Variants in MEGF11 observed in about 807,000 individuals in gnomAD.
The protein encoded by MEGF11 is multiple epidermal growth factor-like domains protein 11.
Under a neutral mutation model 146.6 loss-of-function variants are expected in MEGF11, and 126 were observed. That is an observed-to-expected ratio of 0.86 (90% CI 0.74 to 1.00). MEGF11 has a LOEUF of 1.00. MEGF11 is among the 50% of genes least tolerant of loss of function. The probability of loss-of-function intolerance (pLI) is 0.00; values close to 1 mark genes in which losing one functional copy is unlikely to be tolerated. For synonymous variants in MEGF11, 532 were observed against 583.4 expected (o/e 0.91, Z 1.27); for missense variants, 1,509 against 1,521.2 (o/e 0.99, Z 0.13).
Position 66,047,800 on chromosome 15 carries a change from GT to G in MEGF11, c.394+46601del, listed in dbSNP as rs535318944. ...GCCAGGCTGCCTGCTCTACAGGGAC[GT>G]CCCCCAGGACTGGGGCTGAGAGATG... On this transcript the variant is annotated intron_variant, in intron 5 of 25. Coordinates refer to ENST00000395614, the MANE Select transcript of MEGF11 (RefSeq NM_001385028.1). 2.6e-3 allele frequency among the ~76,000 whole-genome samples: 391 copies of G among 152,226 alleles called. 2 individuals carry two copies. The highest frequency in any genetic ancestry group is 0.017 in the Middle Eastern group (5 of 294).
At chr15:66,231,045 G>A (rs190853873) in intron 1 of MEGF11, among the ~76,000 whole-genome samples, 3 of 152,082 alleles carry the variant, frequency 2.0e-5, no homozygotes, top group African/African-American at 7.3e-5. Flanking sequence ...AGAGAATAAG[G>A]TCCCATGGTT....
At chr15:66,212,322 T>C (rs62009949) in intron 1 of MEGF11, among the ~76,000 whole-genome samples, 83,510 of 151,968 alleles carry the variant, frequency 0.55, 23,223 homozygotes, top group East Asian at 0.69. Context: ...CACACAGAGG[T>C]GGGACTTGGC....
intron 5 of MEGF11, among the ~76,000 whole-genome samples, chr15:66,066,225 C>G (rs2085119298): frequency 6.6e-6 from 1 of 152,076 alleles, no homozygotes. Context: ...AGGGCAGCAG[C>G]AGGGTAGGCA....
At chr15:66,096,179 A>G (rs1382830077) in intron 4 of MEGF11, among the ~76,000 whole-genome samples, 1 of 152,128 alleles carries the variant, frequency 6.6e-6, no homozygotes, top group African/African-American at 2.4e-5. Context: ...AGGTCCCTGC[A>G]TGCTCCACAG....
chr15:66,211,413 A>T (rs1245389982), intron 1 of MEGF11, among the ~76,000 whole-genome samples: 1 of 151,626 alleles, frequency 6.6e-6, no homozygotes, highest in East Asian at 1.9e-4. Flanking sequence ...AGTCCCAGCT[A>T]CTCAGGAGGC....
intron 5 of MEGF11, among the ~76,000 whole-genome samples, chr15:66,001,743 G>T (rs1182101011): frequency 6.6e-6 from 1 of 152,150 alleles, no homozygotes; most frequent in African/African-American, 2.4e-5. Flanking sequence ...ATGTAGGGGG[G>T]TAGCTGGGAG....
rs774617810 is a variant in MEGF11, at chr15:65,898,802, G to A, written c.3188C>T (p.Ser1063Leu). Reference sequence around the variant, plus strand: ...GTACGGAGACCCCATGTGCACAGGCGACTTCATTTCTACATAGCTGCTTTC... The same window carrying A: ...GTACGGAGACCCCATGTGCACAGGCAACTTCATTTCTACATAGCTGCTTTC... ...LPESSYVEMKSPVHMGSPYTD... is the reference protein window; with the variant it reads ...LPESSYVEMKLPVHMGSPYTD... Residue 1063 changes from serine to leucine, a missense_variant, in exon 25 of 26, where the codon TCG becomes TTG. Physicochemically the swap from Ser to Leu is moderately radical, Grantham distance 145. Transcript: ENST00000395614. The A allele has an allele frequency of 1.1e-5, 18 of 1,613,854 alleles. No homozygotes were observed. In the South Asian group the frequency reaches 1.2e-4, roughly 11 times the overall value.
At chr15:65,999,471 C>A (rs768554453) in intron 5 of MEGF11, among the ~76,000 whole-genome samples, 1 of 152,212 alleles carries the variant, frequency 6.6e-6, no homozygotes, top group Non-Finnish European at 1.5e-5. Flanking sequence ...TCCTCCACCT[C>A]ATGTGCCCAC....
At position 66,201,683 on chromosome 15, in the gene MEGF11, A is replaced by G. The variant is rs533513969; in HGVS notation, c.-9+51922T>C. ...GGGTACGGTGGCTCATGCCTGTAAT[A>G]CCAGCACTTTGGGAGGCCGAGGCAG... On this transcript the variant is annotated intron_variant, in intron 1 of 25. Coordinates refer to ENST00000395614, the MANE Select transcript of MEGF11 (RefSeq NM_001385028.1). Among the ~76,000 whole-genome samples, 24 of 151,086 alleles carry G rather than the reference A, an allele frequency of 1.6e-4. No individual in the cohort carries two copies. In the East Asian group the frequency reaches 3.3e-3, roughly 21 times the overall value.
intron 1 of MEGF11, among the ~76,000 whole-genome samples, chr15:66,129,582 G>A (rs998655537): frequency 1.3e-5 from 2 of 152,188 alleles, no homozygotes; most frequent in Admixed American, 6.5e-5. Context: ...GGGGTCACAG[G>A]CTTGAAATGG....
intron 2 of MEGF11, among the ~76,000 whole-genome samples, chr15:66,126,552 G>C (rs2088358152): frequency 6.6e-6 from 1 of 152,258 alleles, no homozygotes; most frequent in Non-Finnish European, 1.5e-5. Flanking sequence ...GACAGAGAGA[G>C]AAGTCAGAGG....
chr15:65,933,154 GC>G (rs1411407309), intron 10 of MEGF11, among the ~76,000 whole-genome samples: 1 of 152,100 alleles, frequency 6.6e-6, no homozygotes, highest in Non-Finnish European at 1.5e-5. Flanking sequence ...TTCCCCGAAG[GC>G]CCCACGGTTC....
chr15:65,917,809 A>G (rs767625425), intron 16 of MEGF11, among the ~76,000 whole-genome samples, 157 bp downstream of exon 16: 8 of 133,908 alleles, frequency 6.0e-5, no homozygotes, highest in African/African-American at 1.8e-4. Flanking sequence ...ATAATCCATC[A>G]TGTTAGCTAT....
intron 7 of MEGF11, among the ~76,000 whole-genome samples, chr15:65,977,396 G>A (rs1235760524): frequency 6.6e-6 from 1 of 152,028 alleles, no homozygotes; most frequent in African/African-American, 2.4e-5. Context: ...GCCACAGGCC[G>A]GGAAGTGGGG....
intron 5 of MEGF11, among the ~76,000 whole-genome samples, chr15:66,073,489 A>T (rs2085453705): frequency 6.6e-6 from 1 of 152,158 alleles, no homozygotes; most frequent in Non-Finnish European, 1.5e-5. Flanking sequence ...GCATTTCACC[A>T]TCTTAGCTGC....
chr15:65,916,277 C>G lies in MEGF11; in HGVS notation c.2216-1G>C, dbSNP rs1210012618. 5 of 1,553,886 alleles carry G rather than the reference C, an allele frequency of 3.2e-6. No individual in the cohort carries two copies. The highest frequency in any genetic ancestry group is 4.4e-6 in the Non-Finnish European group (5 of 1,148,260). ...TTCCCAAAAAATGCTGCTGGGCAGC[C>G]TAGAGAAACAGGATTTCCAGTCACG... On this transcript the variant is annotated splice_acceptor_variant, in intron 17 of 25. Transcript: ENST00000395614. LOFTEE classifies it high-confidence loss of function.
chr15:65,922,444 G>A lies in MEGF11; in HGVS notation c.1851C>T (p.Gly617=), dbSNP rs1426850651. The A allele has an allele frequency of 6.3e-7, 1 of 1,581,828 alleles. No homozygotes were observed. The highest frequency in any genetic ancestry group is 1.8e-5 in the Admixed American group (1 of 55,302). The stretch of plus-strand genomic sequence containing the variant: ...CGCAGAGGGGGCATGGCTGGGCGCA[G>A]CCGTGGCCATAGAACCCAGGGGGGC... ...RICPPGFYGH[G]CAQPCPLCVH... is the part of the protein sequence containing the mutation. Residue 617 remains glycine, a synonymous_variant, in exon 15 of 26, where the codon GGC becomes GGT. Transcript: ENST00000395614.
At chr15:66,213,184 C>T (rs1246429582) in intron 1 of MEGF11, among the ~76,000 whole-genome samples, 1 of 152,064 alleles carries the variant, frequency 6.6e-6, no homozygotes, top group Non-Finnish European at 1.5e-5. Context: ...TCTCTGGCCC[C>T]TCCTCGTGAA....
chr15:65,977,175 A>AAAAAAAAAC, intron 7 of MEGF11, among the ~76,000 whole-genome samples: 1 of 151,390 alleles, frequency 6.6e-6, no homozygotes, highest in Non-Finnish European at 1.5e-5. Context: ...TCAAAAAAAA[A>AAAAAAAAAC]AGAGGATCTT....
Sources: allele counts gnomAD v4.1 joint callset (sites outside exome capture counted in the v4.1 genomes callset), GRCh38; gene constraint gnomAD v4.1.1; transcripts MANE v1.5; gene names NCBI Gene and HGNC (gene_info 2026-07-23, HGNC 2026-07-21).